The following PANK2 variants were observed in gnomAD, a reference collection of about 807,000 sequenced individuals.
PANK2 encodes the protein pantothenate kinase 2, mitochondrial.
PANK2 carries 36 observed loss-of-function variants against 43.1 expected under a neutral mutation model. The ratio of observed to expected loss-of-function variants is 0.84; its 90% confidence interval spans 0.64 to 1.10. PANK2 has a LOEUF of 1.10. Ranked by LOEUF, PANK2 falls within the 50% of genes least tolerant of loss-of-function variation. The pLI is 0.00. For missense variants in PANK2, 576 were observed against 593.3 expected (o/e 0.97, Z 0.30); for synonymous variants, 281 against 238.2 (o/e 1.18, Z -1.66).
At chr20:3,900,253 G>A (rs1458452818) in intron 1 of PANK2, among the ~76,000 whole-genome samples, 3 of 151,888 alleles carry the variant, frequency 2.0e-5, no homozygotes, top group African/African-American at 4.8e-5. Context: ...ATATGATTAT[G>A]AGTGAGTATA....
chr20:3,890,376 G>A (rs1019765752), intron 1 of PANK2, among the ~76,000 whole-genome samples: 1 of 152,138 alleles, frequency 6.6e-6, no homozygotes, highest in African/African-American at 2.4e-5. Context: ...TTTGTTTTGA[G>A]GGGAAACAAC....
chr20:3,889,225 CG>C (rs1600474748), upstream of PANK2: 2 of 1,613,142 alleles, frequency 1.2e-6, no homozygotes, highest in Admixed American at 3.3e-5. Flanking sequence ...ACCCTCTCCC[CG>C]CCCCGTCACG....
chr20:3,919,353 C>A (rs947746748), intron 6 of PANK2, among the ~76,000 whole-genome samples: 14 of 152,174 alleles, frequency 9.2e-5, no homozygotes, highest in Middle Eastern at 3.4e-3. Flanking sequence ...TTTCTGATGC[C>A]ATATTTTTGT....
At chr20:3,893,850 C>G (rs1437895156) in intron 1 of PANK2, among the ~76,000 whole-genome samples, 1 of 150,404 alleles carries the variant, frequency 6.6e-6, no homozygotes, top group Non-Finnish European at 1.5e-5. Flanking sequence ...CCCCTGGGAG[C>G]TGAGGAAAAA....
At chr20:3,901,946 G>T (rs969907708) in intron 1 of PANK2, among the ~76,000 whole-genome samples, 3 of 151,918 alleles carry the variant, frequency 2.0e-5, no homozygotes, top group African/African-American at 7.2e-5. Flanking sequence ...TGACTTTTAT[G>T]TGATTTATGT....
chr20:3,900,189 A>G (rs1257950914), intron 1 of PANK2, among the ~76,000 whole-genome samples: 1 of 151,958 alleles, frequency 6.6e-6, no homozygotes, highest in African/African-American at 2.4e-5. Context: ...AAATTCAGCA[A>G]GTGAGTTAAG....
rs1316025324 is a variant in PANK2 at position 3,927,712 on chromosome 20, A to AC, written c.*4420dup. 6.6e-6 allele frequency: 1 copy of AC among 152,222 alleles called. No individual in the cohort carries two copies. Among genetic ancestry groups the AC allele is most frequent in the Non-Finnish European group, 1.5e-5 (1 of 68,078 alleles). The allele number at this position is 152,222 out of a possible 1,614,324, so 9.4% of individuals were successfully genotyped here. On this transcript the variant is annotated 3_prime_UTR_variant, in exon 7 of 7. Transcript: ENST00000610179. The stretch of plus-strand genomic sequence containing the variant: ...AACACTTGCCACACCTGCTCCCCCG[A>AC]CCGGGGGCCTGGGAGGGAAGGGCAG...
At chr20:3,905,933 C>G (rs1409321746) in intron 1 of PANK2, among the ~76,000 whole-genome samples, 1 of 150,648 alleles carries the variant, frequency 6.6e-6, no homozygotes, top group Non-Finnish European at 1.5e-5. Context: ...CCAGGCTGGT[C>G]TTGAACTCCT....
chr20:3,915,330 T>C (rs560918008), intron 4 of PANK2, among the ~76,000 whole-genome samples: 1 of 152,080 alleles, frequency 6.6e-6, no homozygotes, highest in Non-Finnish European at 1.5e-5. Context: ...GATGGAGTCT[T>C]GCTCTGTCAC....
intron 3 of PANK2, among the ~76,000 whole-genome samples, chr20:3,911,442 G>A (rs575651635): frequency 4.3e-4 from 65 of 150,968 alleles, no homozygotes; most frequent in African/African-American, 1.5e-3. Flanking sequence ...AATTAGCCGG[G>A]CGCAGTGGCA....
At position 3,910,675 on chromosome 20, in the gene PANK2, C is replaced by T. The variant is rs1246238797; in HGVS notation, c.750C>T (p.Cys250=). The T allele has an allele frequency of 1.2e-6, 2 of 1,614,044 alleles. No individual in the cohort carries two copies. Among genetic ancestry groups the T allele is most frequent in the Non-Finnish European group, 1.7e-6 (2 of 1,180,032 alleles). ...TCGGATTCAATGGACGGTCACAGTG[C>T]TATTACTTTGAAAACCCTGCTGATT... The change falls in exon 3 of 7, where the codon TGC becomes TGT. Residue 250 remains cysteine, a synonymous_variant. Coordinates refer to ENST00000610179, the MANE Select transcript of PANK2 (RefSeq NM_001386393.1).
chr20:3,917,185 A>G (rs2090575137), intron 5 of PANK2, 135 bp downstream of exon 5: 17 of 1,109,204 alleles, frequency 1.5e-5, no homozygotes, highest in Non-Finnish European at 8.0e-6. Flanking sequence ...CGAAGTTAAA[A>G]CTCTTCAAAT....
intron 4 of PANK2, among the ~76,000 whole-genome samples, chr20:3,913,921 T>C (rs575299412): frequency 6.6e-6 from 1 of 151,918 alleles, no homozygotes; most frequent in East Asian, 1.9e-4. Flanking sequence ...TCCAAGTAGC[T>C]GGGACTACAG....
chr20:3,903,789 G>A (rs1171842883), intron 1 of PANK2, among the ~76,000 whole-genome samples: 7 of 151,780 alleles, frequency 4.6e-5, no homozygotes, highest in Non-Finnish European at 8.8e-5. Context: ...CACCACGCCC[G>A]GCTAATTTTT....
chr20:3,927,293 GGCATAT>G lies in PANK2; in HGVS notation c.*4003_*4008del, dbSNP rs1268590838. ...CACATGGATGTTCCCTCTGTTCAAAGGCATATGCACAACACTATTTTTCAAAATTTG... is the reference window on the plus strand; with the variant it reads ...CACATGGATGTTCCCTCTGTTCAAAGGCACAACACTATTTTTCAAAATTTG... On this transcript the variant is annotated 3_prime_UTR_variant, in exon 7 of 7. Transcript: ENST00000610179. 1 of 152,122 alleles carries G rather than the reference GGCATAT, an allele frequency of 6.6e-6. No homozygotes were observed. Among genetic ancestry groups the G allele is most frequent in the African/African-American group, 2.4e-5 (1 of 41,412 alleles). 9.4% of individuals were successfully genotyped at this position (152,122 alleles called of 1,614,324 possible). A position where few individuals can be genotyped will look rare whatever the true frequency, so the allele number is the denominator to read the frequency against.
At chr20:3,890,695 G>A (rs924005845) in intron 1 of PANK2, among the ~76,000 whole-genome samples, 3 of 152,176 alleles carry the variant, frequency 2.0e-5, no homozygotes, top group African/African-American at 7.2e-5. Flanking sequence ...GGCAAGATGT[G>A]AGATTTTTAT....
chr20:3,899,610 T>TA (rs1890674378), intron 1 of PANK2, among the ~76,000 whole-genome samples: 2 of 151,930 alleles, frequency 1.3e-5, no homozygotes, highest in South Asian at 4.2e-4. Flanking sequence ...GTCATTCTCA[T>TA]ACTGACTTGT....
At chr20:3,893,261 T>G (rs2090152558) in intron 1 of PANK2, among the ~76,000 whole-genome samples, 2 of 152,154 alleles carry the variant, frequency 1.3e-5, no homozygotes, top group African/African-American at 4.8e-5. Context: ...TCCAGTGTTC[T>G]TGGTCCACAT....
At chr20:3,916,651 C>T (rs1292506676) in intron 4 of PANK2, among the ~76,000 whole-genome samples, 1 of 152,140 alleles carries the variant, frequency 6.6e-6, no homozygotes, top group African/African-American at 2.4e-5. Flanking sequence ...TCCAGTGCAT[C>T]TGATGAGATT....
Sources: gnomAD v4.1 joint callset for allele counts (sites outside exome capture counted in the v4.1 genomes callset) on GRCh38, gnomAD v4.1.1 for gene constraint, MANE v1.5 for transcripts, NCBI Gene and HGNC (gene_info 2026-07-23, HGNC 2026-07-21) for gene names.